The following PYM1 variants were observed in gnomAD, a reference collection of about 807,000 sequenced individuals.
The protein encoded by PYM1 is partner of Y14 and mago.
Under a neutral mutation model 20.7 loss-of-function variants are expected in PYM1, and 7 were observed. The ratio of observed to expected loss-of-function variants is 0.34; its 90% CI spans 0.19 to 0.64. PYM1 has a LOEUF of 0.64. Among genes scored for constraint, PYM1 ranks in the 30% least tolerant of loss-of-function variants. The pLI is 0.74. For synonymous variants in PYM1, 100 were observed against 99.2 expected, an observed-to-expected ratio of 1.01 and a Z score of -0.05; for missense variants, 194 against 250.0, an observed-to-expected ratio of 0.78 and a Z score of 1.51.
chr12:55,914,156 C>A, intron 1 of PYM1: 1 of 585,702 alleles, frequency 1.7e-6, no homozygotes, highest in Non-Finnish European at 3.1e-6. Flanking sequence ...GAGATTATAG[C>A]TGAAGGTTTA....
intron 1 of PYM1, among the ~76,000 whole-genome samples, chr12:55,915,949 C>T (rs1487268331): frequency 1.3e-5 from 2 of 152,148 alleles, no homozygotes; most frequent in Non-Finnish European, 2.9e-5. Context: ...AGCTACATTA[C>T]AGGAGGAACT....
intron 1 of PYM1, among the ~76,000 whole-genome samples, chr12:55,924,097 C>T (rs1565719012): frequency 6.7e-6 from 1 of 149,160 alleles, no homozygotes; most frequent in African/African-American, 2.5e-5. Flanking sequence ...AAAAAAGAAA[C>T]GATACAAAAG....
chr12:55,927,730 T>TC lies in PYM1; in HGVS notation c.31dup (p.Glu11GlyfsTer13). The TC allele has an allele frequency of 6.5e-7, 1 of 1,539,968 alleles. No homozygotes were observed. Among genetic ancestry groups the TC allele is most frequent in the Non-Finnish European group, 8.7e-7 (1 of 1,146,568 alleles). On this transcript the variant is annotated frameshift_variant, in exon 1 of 3. Transcript: ENST00000408946. LOFTEE classifies it high-confidence loss of function. ...GGGCGCCGCGGGTCGGTCACCTGTC[T>TC]CCGTAGCCGCAGGGCTGCCGGCAGC...
chr12:55,914,484 T>C, intron 1 of PYM1: 1 of 633,502 alleles, frequency 1.6e-6, no homozygotes, highest in Admixed American at 2.6e-5. Flanking sequence ...TGTCATTTTC[T>C]CACATCTGCC....
At chr12:55,920,568 G>A (rs1883080765) in intron 1 of PYM1, among the ~76,000 whole-genome samples, 1 of 151,458 alleles carries the variant, frequency 6.6e-6, no homozygotes, top group African/African-American at 2.4e-5. Context: ...AGCCCAGGAG[G>A]TGGAGATTGT....
intron 1 of PYM1, among the ~76,000 whole-genome samples, chr12:55,921,946 G>A (rs972987648): frequency 3.3e-5 from 5 of 152,004 alleles, no homozygotes; most frequent in African/African-American, 1.2e-4. Flanking sequence ...GCACAATCAC[G>A]GCTCAATGCA....
chr12:55,924,436 A>C (rs1883154835), intron 1 of PYM1, among the ~76,000 whole-genome samples: 1 of 151,968 alleles, frequency 6.6e-6, no homozygotes, highest in Non-Finnish European at 1.5e-5. Flanking sequence ...TAAGGCCAGG[A>C]GTTCAAAACC....
At chr12:55,913,229 G>A (rs907759460) in intron 1 of PYM1, among the ~76,000 whole-genome samples, 1 of 152,148 alleles carries the variant, frequency 6.6e-6, no homozygotes, top group Non-Finnish European at 1.5e-5. Context: ...ATGCTCTAAT[G>A]CTTAACATAA....
At chr12:55,906,876 G>A (rs549122167) in intron 1 of PYM1, among the ~76,000 whole-genome samples, 61 of 151,940 alleles carry the variant, frequency 4.0e-4, no homozygotes, top group African/African-American at 1.4e-3. Flanking sequence ...GCAAACTCCC[G>A]ACCTCAGGTG....
At chr12:55,923,878 C>T (rs918359284) in intron 1 of PYM1, among the ~76,000 whole-genome samples, 4 of 151,940 alleles carry the variant, frequency 2.6e-5, no homozygotes, top group Non-Finnish European at 5.9e-5. Flanking sequence ...GAGTTCGAGG[C>T]CAACCTGACC....
At chr12:55,903,894 A>G (rs748547833) in intron 1 of PYM1, among the ~76,000 whole-genome samples, 1 of 152,176 alleles carries the variant, frequency 6.6e-6, no homozygotes. Flanking sequence ...AAATAGGTCA[A>G]CTTTTAGGAA....
At chr12:55,916,369 T>C (rs1388450915) in intron 1 of PYM1, among the ~76,000 whole-genome samples, 2 of 149,900 alleles carry the variant, frequency 1.3e-5, no homozygotes, top group Non-Finnish European at 3.0e-5. Context: ...ATCCCAAAGG[T>C]AGCACATATC....
At chr12:55,913,411 C>G (rs1882957538) in intron 1 of PYM1, among the ~76,000 whole-genome samples, 1 of 152,144 alleles carries the variant, frequency 6.6e-6, no homozygotes, top group South Asian at 2.1e-4. Flanking sequence ...TGAAAAGAGA[C>G]TCAGGGTAAA....
chr12:55,922,960 T>A (rs1458245413), intron 1 of PYM1, among the ~76,000 whole-genome samples: 1 of 152,166 alleles, frequency 6.6e-6, no homozygotes, highest in Non-Finnish European at 1.5e-5. Context: ...GCGCAGTGGC[T>A]CACACCTGTA....
At position 55,905,963 on chromosome 12, in the gene PYM1, A is replaced by AGATATATATATTATTATATATATCTAT. The variant is rs1565714563; in HGVS notation, c.38-2484_38-2483insATAGATATATATAATAATATATATATC. Reference sequence around the variant, plus strand: ...ATATATATATTATTATATATATCTAATAGATATATATATTATTATATATAA... The same window carrying AGATATATATATTATTATATATATCTAT: ...ATATATATATTATTATATATATCTAAGATATATATATTATTATATATATCTATTAGATATATATATTATTATATATAA... On this transcript the variant is annotated intron_variant, in intron 1 of 2. Transcript: ENST00000408946. Among the ~76,000 whole-genome samples, 28 of 54,476 alleles carry AGATATATATATTATTATATATATCTAT rather than the reference A, an allele frequency of 5.1e-4. 2 individuals are homozygous for AGATATATATATTATTATATATATCTAT. The highest frequency in any genetic ancestry group is 2.1e-3 in the African/African-American group (27 of 12,932). The allele number at this position is 54,476 out of a possible 152,430, so 35.7% of individuals were successfully genotyped here. A position where few individuals can be genotyped will look rare whatever the true frequency, so the allele number is the denominator to read the frequency against.
rs768045008 is a variant in PYM1 at position 55,902,372 on chromosome 12, A to C, written c.132-17T>G. The C allele has an allele frequency of 1.9e-6, 3 of 1,587,320 alleles. No homozygotes were observed. Among genetic ancestry groups the C allele is most frequent in the Non-Finnish European group, 1.7e-6 (2 of 1,167,258 alleles). On this transcript the variant is annotated splice_polypyrimidine_tract_variant and intron_variant, in intron 2 of 2. Coordinates refer to ENST00000408946, the MANE Select transcript of PYM1 (RefSeq NM_032345.3). ...TTTTCATATCTGCAGGAAACAAAGG[A>C]TGTCAAGAGTTTCAGAGAATTACTG...
chr12:55,910,627 A>G (rs1462093224), intron 1 of PYM1, among the ~76,000 whole-genome samples: 2 of 152,108 alleles, frequency 1.3e-5, no homozygotes, highest in Non-Finnish European at 2.9e-5. Context: ...TATTTTTAGT[A>G]GAGACAGGGT....
chr12:55,919,625 T>C (rs1303541850), intron 1 of PYM1, among the ~76,000 whole-genome samples: 1 of 152,132 alleles, frequency 6.6e-6, no homozygotes, highest in Non-Finnish European at 1.5e-5. Context: ...GGGCCAGGCA[T>C]GGTGGCTCAC....
intron 1 of PYM1, among the ~76,000 whole-genome samples, chr12:55,909,755 G>A (rs192331524): frequency 6.6e-6 from 1 of 152,232 alleles, no homozygotes; most frequent in East Asian, 1.9e-4. Context: ...TAGGGAAGGA[G>A]TAAGAGGATA....
Sources: gnomAD v4.1 joint callset for allele counts (sites outside exome capture counted in the v4.1 genomes callset) on GRCh38, gnomAD v4.1.1 for gene constraint, MANE v1.5 for transcripts, NCBI Gene and HGNC (gene_info 2026-07-23, HGNC 2026-07-21) for gene names.